Variants in CTDSPL observed in about 807,000 individuals in gnomAD.
CTDSPL encodes CTD small phosphatase-like protein.
Under a neutral mutation model 30.5 loss-of-function variants are expected in CTDSPL, and 8 were observed. The observed-to-expected ratio is 0.26, with a 90% CI of 0.15 to 0.47. CTDSPL has a LOEUF of 0.47. Among genes scored for constraint, CTDSPL ranks in the 20% least tolerant of loss-of-function variants. CTDSPL has a pLI of 0.99. For synonymous variants in CTDSPL, 110 were observed against 137.9 expected (o/e 0.80, Z 1.42); for missense variants, 248 against 366.1 (o/e 0.68, Z 2.63).
chr3:37,866,743 C>A (rs977542109), intron 1 of CTDSPL, among the ~76,000 whole-genome samples: 1 of 152,098 alleles, frequency 6.6e-6, no homozygotes, highest in Non-Finnish European at 1.5e-5. Flanking sequence ...GGTGTGTTTC[C>A]TTTAAATGTT....
At position 37,862,163 on chromosome 3, in the gene CTDSPL, G is replaced by A; in HGVS notation, c.-37G>A. The A allele has an allele frequency of 1.9e-6, 2 of 1,038,448 alleles. No homozygotes were observed. Among genetic ancestry groups the A allele is most frequent in the Non-Finnish European group, 2.3e-6 (2 of 863,152 alleles). The allele number at this position is 1,038,448 out of a possible 1,614,324, so 64.3% of individuals were successfully genotyped here. On this transcript the variant is annotated 5_prime_UTR_variant, in exon 1 of 8. Coordinates refer to ENST00000273179, the MANE Select transcript of CTDSPL (RefSeq NM_001008392.2). This position sits in a 1 kb window ranked among gnomAD's most constrained non-coding sequence, Gnocchi z 4.3. Reference sequence around the variant, plus strand: ...CGCCCCCGCGCGCTTGGCTTGCGGGGGGCCGGGCCTGCGGGCGGCCGCCGC... The same window carrying A: ...CGCCCCCGCGCGCTTGGCTTGCGGGAGGCCGGGCCTGCGGGCGGCCGCCGC...
intron 1 of CTDSPL, among the ~76,000 whole-genome samples, chr3:37,882,731 A>C (rs978534288): frequency 2.0e-5 from 3 of 152,232 alleles, no homozygotes; most frequent in African/African-American, 4.8e-5. Context: ...AAATGCAGTT[A>C]TTACATTTAG....
intron 1 of CTDSPL, among the ~76,000 whole-genome samples, chr3:37,929,730 T>G (rs1312000174): frequency 1.3e-5 from 2 of 152,224 alleles, no homozygotes; most frequent in Admixed American, 6.5e-5. Context: ...TGTGATATTT[T>G]TACTTCTTCC....
intron 1 of CTDSPL, among the ~76,000 whole-genome samples, chr3:37,894,850 G>A (rs745615877): frequency 1.2e-4 from 19 of 152,038 alleles, no homozygotes; most frequent in Admixed American, 4.6e-4. Flanking sequence ...AGCTCATCCA[G>A]TGATTTTTAA....
intron 1 of CTDSPL, among the ~76,000 whole-genome samples, chr3:37,897,928 T>A (rs990028221): frequency 1.3e-5 from 2 of 152,164 alleles, no homozygotes; most frequent in Non-Finnish European, 2.9e-5. Flanking sequence ...ATTTTTGGAG[T>A]GCCGGTTATA....
At chr3:37,894,752 C>G (rs568449137) in intron 1 of CTDSPL, among the ~76,000 whole-genome samples, 1 of 152,050 alleles carries the variant, frequency 6.6e-6, no homozygotes. Flanking sequence ...TATTTTCAAT[C>G]TTTTTTCCTT....
chr3:37,971,795 G>T (rs1699369793), intron 6 of CTDSPL, among the ~76,000 whole-genome samples: 3 of 152,216 alleles, frequency 2.0e-5, no homozygotes, highest in Admixed American at 6.5e-5. Flanking sequence ...CCAGTGTAAT[G>T]GACAAAGGAT....
At chr3:37,898,066 C>T (rs748110452) in intron 1 of CTDSPL, among the ~76,000 whole-genome samples, 1 of 152,134 alleles carries the variant, frequency 6.6e-6, no homozygotes, top group Non-Finnish European at 1.5e-5. Flanking sequence ...TCAAGTGCCT[C>T]GTATATTTGT....
chr3:37,976,639 A>AG (rs1022670780), intron 7 of CTDSPL, among the ~76,000 whole-genome samples: 3 of 152,082 alleles, frequency 2.0e-5, no homozygotes, highest in Non-Finnish European at 4.4e-5. Flanking sequence ...TCAAAAAAAA[A>AG]AAAAAAATGA....
chr3:37,962,865 CAA>C (rs955796185), intron 3 of CTDSPL, among the ~76,000 whole-genome samples: 1 of 152,158 alleles, frequency 6.6e-6, no homozygotes, highest in African/African-American at 2.4e-5. Context: ...AAAATTCAAA[CAA>C]ATTTTATTCT....
chr3:37,959,932 A>G (rs1213288942), intron 3 of CTDSPL, among the ~76,000 whole-genome samples: 1 of 152,204 alleles, frequency 6.6e-6, no homozygotes, highest in Non-Finnish European at 1.5e-5. Flanking sequence ...GGCCAGGCGC[A>G]GTGGCTCACA....
intron 1 of CTDSPL, among the ~76,000 whole-genome samples, chr3:37,899,413 C>A (rs903017743): frequency 1.3e-5 from 2 of 152,158 alleles, no homozygotes; most frequent in African/African-American, 2.4e-5. Context: ...CCACTCTTAC[C>A]CACCACAAGG....
chr3:37,957,997 T>A (rs547356860), intron 3 of CTDSPL, among the ~76,000 whole-genome samples: 25 of 152,348 alleles, frequency 1.6e-4, no homozygotes, highest in Middle Eastern at 6.8e-3. Context: ...GTCTATAAAT[T>A]AATTTTTTAG....
chr3:37,931,607 T>C (rs1698855837), intron 1 of CTDSPL, among the ~76,000 whole-genome samples: 1 of 152,176 alleles, frequency 6.6e-6, no homozygotes, highest in Non-Finnish European at 1.5e-5. Flanking sequence ...CTGCCTTCCT[T>C]TGTGGTTCAT....
Position 37,963,194 on chromosome 3 carries a change from C to T in CTDSPL, c.268-1377C>T, listed in dbSNP as rs114897910. ...CATAAAGGCTCTTTCTTCTGGATGA[C>T]GTTGGAAAGGAAGAAACATGGAGTT... is the stretch of plus-strand genomic sequence containing the variant. On this transcript the variant is annotated intron_variant, in intron 3 of 7. Coordinates refer to ENST00000273179, the MANE Select transcript of CTDSPL (RefSeq NM_001008392.2). Among the ~76,000 whole-genome samples the T allele has an allele frequency of 2.9e-3, 448 of 152,220 alleles. 3 individuals carry two copies. The highest frequency in any genetic ancestry group is 0.01 in the African/African-American group (427 of 41,514).
At chr3:37,883,003 C>T (rs1698224935) in intron 1 of CTDSPL, among the ~76,000 whole-genome samples, 1 of 152,180 alleles carries the variant, frequency 6.6e-6, no homozygotes, top group African/African-American at 2.4e-5. Context: ...TATTTACAAA[C>T]GTGTAGCCAG....
chr3:37,897,936 A>G (rs1698407054), intron 1 of CTDSPL, among the ~76,000 whole-genome samples: 1 of 152,188 alleles, frequency 6.6e-6, no homozygotes, highest in East Asian at 1.9e-4. Flanking sequence ...AGTGCCGGTT[A>G]TACACTAGAG....
chr3:37,941,888 G>C (rs1362869972), intron 1 of CTDSPL, among the ~76,000 whole-genome samples: 1 of 150,372 alleles, frequency 6.7e-6, no homozygotes, highest in East Asian at 2.0e-4. Flanking sequence ...CTGATGTACA[G>C]CTTGAGATAA....
Position 37,957,104 on chromosome 3 carries a change from T to C in CTDSPL, c.235-7T>C, listed in dbSNP as rs985877628. On this transcript the variant is annotated splice_polypyrimidine_tract_variant and splice_region_variant and intron_variant, in intron 2 of 7. Coordinates refer to ENST00000273179, the MANE Select transcript of CTDSPL (RefSeq NM_001008392.2). ...CTGACAATGATTTTTTTTTTCTTTTTCCTCAGGGTGACCAGAGGCAGGTCA... is the reference window on the plus strand; with the variant it reads ...CTGACAATGATTTTTTTTTTCTTTTCCCTCAGGGTGACCAGAGGCAGGTCA... 2.5e-6 allele frequency: 4 copies of C among 1,600,070 alleles called. No individual in the cohort carries two copies. Among genetic ancestry groups the C allele is most frequent in the Non-Finnish European group, 3.4e-6 (4 of 1,172,286 alleles).
Sources: gnomAD v4.1 joint callset for allele counts (sites outside exome capture counted in the v4.1 genomes callset) on GRCh38, gnomAD v4.1.1 for gene constraint, Gnocchi (gnomAD v3.1) non-coding constraint, MANE v1.5 for transcripts, NCBI Gene and HGNC (gene_info 2026-07-23, HGNC 2026-07-21) for gene names.